The following MOB3B variants were observed in gnomAD, a reference collection of about 807,000 sequenced individuals.
MOB3B encodes the protein MOB kinase activator 3B, also known as MOB kinase activator-like 2B.
A neutral mutation model predicts 18.7 loss-of-function variants in MOB3B; 7 were observed. The observed-to-expected ratio is 0.37, with a 90% CI of 0.21 to 0.70. The LOEUF is 0.70. MOB3B is among the 30% of genes least tolerant of loss of function. MOB3B has a pLI of 0.52. For synonymous variants in MOB3B, 111 were observed against 99.9 expected (o/e 1.11, Z -0.66); for missense variants, 253 against 281.3 (o/e 0.90, Z 0.72).
intron 1 of MOB3B, among the ~76,000 whole-genome samples, chr9:27,526,702 T>C (rs549671692): frequency 1.3e-5 from 2 of 152,010 alleles, no homozygotes; most frequent in South Asian, 4.2e-4. Flanking sequence ...AAGGATAACA[T>C]CTCCACTGGA....
At position 27,487,590 on chromosome 9, in the gene MOB3B, C is replaced by T. The variant is rs114927760; in HGVS notation, c.-198-31842G>A. On this transcript the variant is annotated intron_variant, in intron 1 of 3. Transcript: ENST00000262244. ...AATGCTCATGCTGCCTGATGTACCA[C>T]GAGTAATAAACTAGATAGGTACATT... Among the ~76,000 whole-genome samples, 1,332 of 152,018 alleles carry T rather than the reference C, an allele frequency of 8.8e-3. 26 individuals are homozygous for T. The highest frequency in any genetic ancestry group is 0.03 in the African/African-American group (1,256 of 41,448).
chr9:27,456,569 A>G (rs1587229137), intron 1 of MOB3B, among the ~76,000 whole-genome samples: 1 of 152,254 alleles, frequency 6.6e-6, no homozygotes, highest in East Asian at 1.9e-4. Flanking sequence ...TTCCTGAATT[A>G]GTCAAAGCCT....
chr9:27,361,728 T>G (rs1821277387), intron 2 of MOB3B, among the ~76,000 whole-genome samples: 1 of 152,208 alleles, frequency 6.6e-6, no homozygotes, highest in Admixed American at 6.5e-5. Context: ...CTGCCCAAGG[T>G]CACCCAGCGG....
At position 27,491,080 on chromosome 9, in the gene MOB3B, TA is replaced by T. The variant is rs1337457965; in HGVS notation, c.-198-35333del. Among the ~76,000 whole-genome samples the T allele has an allele frequency of 2.6e-5, 4 of 151,974 alleles. No homozygotes were observed. The East Asian group carries it at 7.7e-4, about 29-fold the overall frequency. ...CAAACGGTCCTAGTGTCTCATACTT[TA>T]AAAAAATCCTCCTTTGTATATATTA... On this transcript the variant is annotated intron_variant, in intron 1 of 3. Coordinates refer to ENST00000262244, the MANE Select transcript of MOB3B (RefSeq NM_024761.5).
At chr9:27,394,888 T>C (rs1011428091) in intron 2 of MOB3B, among the ~76,000 whole-genome samples, 1 of 152,256 alleles carries the variant, frequency 6.6e-6, no homozygotes, top group Admixed American at 6.5e-5. Context: ...GTATATTTCA[T>C]GTATTGAGAG....
At chr9:27,460,145 T>G (rs1819260046) in intron 1 of MOB3B, among the ~76,000 whole-genome samples, 1 of 152,198 alleles carries the variant, frequency 6.6e-6, no homozygotes, top group African/African-American at 2.4e-5. Flanking sequence ...AGTTATTGAC[T>G]TTTGCTTTTA....
At chr9:27,519,696 G>C (rs191209010) in intron 1 of MOB3B, among the ~76,000 whole-genome samples, 4 of 152,094 alleles carry the variant, frequency 2.6e-5, no homozygotes, top group African/African-American at 9.7e-5. Flanking sequence ...CAAAGCTTTC[G>C]CTTGCCCTGA....
intron 1 of MOB3B, among the ~76,000 whole-genome samples, chr9:27,498,417 G>T (rs931073411): frequency 6.6e-6 from 1 of 152,142 alleles, no homozygotes. Context: ...CGTGTGATGT[G>T]TGTGTTAGGG....
chr9:27,432,597 A>G (rs1263676666), intron 2 of MOB3B, among the ~76,000 whole-genome samples: 1 of 152,168 alleles, frequency 6.6e-6, no homozygotes, highest in African/African-American at 2.4e-5. Context: ...CCCTCAGAAC[A>G]GGTACTGTCA....
At chr9:27,372,046 G>A (rs1220613385) in intron 2 of MOB3B, among the ~76,000 whole-genome samples, 3 of 152,170 alleles carry the variant, frequency 2.0e-5, no homozygotes, top group Non-Finnish European at 2.9e-5. Context: ...TCGTAGCACT[G>A]AGCACATGAA....
At chr9:27,511,225 AAAG>A (rs763003795) in intron 1 of MOB3B, among the ~76,000 whole-genome samples, 2 of 151,378 alleles carry the variant, frequency 1.3e-5, no homozygotes, top group South Asian at 2.1e-4. Context: ...ACAAAAAAAA[AAAG>A]AAAGAAAGAA....
intron 2 of MOB3B, among the ~76,000 whole-genome samples, chr9:27,375,869 T>G (rs1821483032): frequency 6.6e-6 from 1 of 152,226 alleles, no homozygotes; most frequent in East Asian, 1.9e-4. Flanking sequence ...TACAAATGCA[T>G]GCTTTGTATT....
chr9:27,503,837 A>G (rs1452178568), intron 1 of MOB3B, among the ~76,000 whole-genome samples: 2 of 152,196 alleles, frequency 1.3e-5, no homozygotes, highest in African/African-American at 4.8e-5. Context: ...GGGATTGGGC[A>G]ACCCACAGCC....
At chr9:27,501,461 G>A (rs1819990031) in intron 1 of MOB3B, among the ~76,000 whole-genome samples, 1 of 152,050 alleles carries the variant, frequency 6.6e-6, no homozygotes, top group African/African-American at 2.4e-5. Flanking sequence ...GGACATGGAG[G>A]AAGCTGGCAA....
intron 2 of MOB3B, among the ~76,000 whole-genome samples, chr9:27,405,384 G>A (rs1027091370): frequency 6.6e-6 from 1 of 152,072 alleles, no homozygotes; most frequent in African/African-American, 2.4e-5. Context: ...GAGATTACAG[G>A]TGTGAGCCAC....
chr9:27,509,560 G>A (rs1820110721), intron 1 of MOB3B, among the ~76,000 whole-genome samples: 1 of 151,760 alleles, frequency 6.6e-6, no homozygotes, highest in Admixed American at 6.6e-5. Context: ...GGAATTACAG[G>A]CATGCACCAC....
intron 2 of MOB3B, among the ~76,000 whole-genome samples, chr9:27,383,209 T>C (rs1049397678): frequency 6.6e-6 from 1 of 152,130 alleles, no homozygotes; most frequent in African/African-American, 2.4e-5. Flanking sequence ...TTGGAGGTAA[T>C]AACAGAACCT....
chr9:27,439,578 T>C (rs1189726032), intron 2 of MOB3B, among the ~76,000 whole-genome samples: 1 of 152,182 alleles, frequency 6.6e-6, no homozygotes, highest in Non-Finnish European at 1.5e-5. Flanking sequence ...AGCAAAGCCA[T>C]GACTTGAAAT....
intron 2 of MOB3B, among the ~76,000 whole-genome samples, chr9:27,385,850 G>T (rs531063578): frequency 2.2e-4 from 33 of 152,362 alleles, no homozygotes; most frequent in African/African-American, 7.5e-4. Flanking sequence ...TGTGGCAGCT[G>T]CTAGGACAAG....
Sources: allele counts gnomAD v4.1 joint callset (sites outside exome capture counted in the v4.1 genomes callset), GRCh38; gene constraint gnomAD v4.1.1; transcripts MANE v1.5; gene names NCBI Gene and HGNC (gene_info 2026-07-23, HGNC 2026-07-21).